TAFA4: variants seen among roughly 807,000 people sequenced by gnomAD.
TAFA4 encodes the protein TAFA chemokine like family member 4, also known as chemokine-like protein TAFA-4.
A neutral mutation model predicts 21.1 loss-of-function variants in TAFA4; 20 were observed. That is an observed-to-expected ratio of 0.95 (90% CI 0.67 to 1.38). TAFA4 has a LOEUF of 1.38. Among genes scored for constraint, TAFA4 ranks in the 40% most tolerant of loss-of-function variants. The pLI, the probability that TAFA4 is intolerant of heterozygous loss-of-function variation, is 0.00. For missense variants in TAFA4, 211 were observed against 180.9 expected (o/e 1.17, Z -0.95); for synonymous variants, 71 against 67.4 (o/e 1.05, Z -0.26).
Position 68,885,304 on chromosome 3 carries a change from A to C in TAFA4, c.-116T>G. Reference sequence around the variant, plus strand: ...CCGTTCCAAAAAATTATCGTAGCTCAGAAGACCTATGTTAAAAAGGCCAAA... The same window carrying C: ...CCGTTCCAAAAAATTATCGTAGCTCCGAAGACCTATGTTAAAAAGGCCAAA... On this transcript the variant is annotated 5_prime_UTR_variant, in exon 2 of 6. Transcript: ENST00000295569. 5.7e-6 allele frequency: 5 copies of C among 879,362 alleles called. No homozygotes were observed. The highest frequency in any genetic ancestry group is 8.6e-6 in the Non-Finnish European group (5 of 578,784). The allele number at this position is 879,362 out of a possible 1,614,324, so 54.5% of individuals were successfully genotyped here. A position where few individuals can be genotyped will look rare whatever the true frequency, so the allele number is the denominator to read the frequency against.
chr3:68,779,603 A>C (rs1028455344), intron 3 of TAFA4, among the ~76,000 whole-genome samples: 4 of 152,180 alleles, frequency 2.6e-5, no homozygotes, highest in Admixed American at 2.6e-4. Flanking sequence ...CAGAGGGTTG[A>C]AGCCCCACGA....
At chr3:68,749,458 A>G (rs904282771) in intron 4 of TAFA4, among the ~76,000 whole-genome samples, 1 of 152,218 alleles carries the variant, frequency 6.6e-6, no homozygotes. Context: ...AGCAGAGAAT[A>G]GGTCTTCTCA....
At chr3:68,781,153 G>T (rs1444251338) in intron 3 of TAFA4, among the ~76,000 whole-genome samples, 1 of 150,872 alleles carries the variant, frequency 6.6e-6, no homozygotes, top group Non-Finnish European at 1.5e-5. Flanking sequence ...AGTGACCAAG[G>T]GAAATTTACA....
intron 3 of TAFA4, among the ~76,000 whole-genome samples, chr3:68,757,014 G>A (rs1466171781): frequency 6.6e-6 from 1 of 152,108 alleles, no homozygotes; most frequent in Non-Finnish European, 1.5e-5. Flanking sequence ...ATGAGCAGGG[G>A]CCAGGATGAT....
intron 3 of TAFA4, among the ~76,000 whole-genome samples, chr3:68,785,010 A>G (rs1235959975): frequency 6.6e-6 from 1 of 152,024 alleles, no homozygotes; most frequent in East Asian, 1.9e-4. Context: ...CTAGATACAG[A>G]GTGCCGATTG....
At chr3:68,922,246 C>G (rs555739637) in intron 1 of TAFA4, among the ~76,000 whole-genome samples, 8 of 152,182 alleles carry the variant, frequency 5.3e-5, no homozygotes, top group South Asian at 2.1e-4. Context: ...CTCCTGGAAA[C>G]AGAAATTCAC....
chr3:68,741,791 C>CA (rs1158204495), intron 4 of TAFA4, among the ~76,000 whole-genome samples: 7 of 148,956 alleles, frequency 4.7e-5, no homozygotes, highest in South Asian at 2.1e-4. Context: ...GACTCCATCT[C>CA]AAAAAAAAAT....
intron 2 of TAFA4, 57 bp downstream of exon 2, chr3:68,885,118 A>G: frequency 1.3e-6 from 2 of 1,574,078 alleles, no homozygotes; most frequent in East Asian, 4.5e-5. Flanking sequence ...CACTTTTGCT[A>G]AATTCTCAAT....
chr3:68,853,262 T>G (rs1009520188), intron 3 of TAFA4, among the ~76,000 whole-genome samples: 9 of 152,196 alleles, frequency 5.9e-5, no homozygotes, highest in Admixed American at 2.0e-4. Context: ...GCTAGTATTC[T>G]AAAAATAAAT....
intron 1 of TAFA4, among the ~76,000 whole-genome samples, chr3:68,923,861 T>C (rs372709524): frequency 1.3e-4 from 20 of 152,214 alleles, no homozygotes; most frequent in African/African-American, 4.8e-4. Context: ...GAGTTGTGTC[T>C]CTGGACCACA....
chr3:68,785,946 C>A (rs1440310535), intron 3 of TAFA4, among the ~76,000 whole-genome samples: 11 of 152,226 alleles, frequency 7.2e-5, no homozygotes, highest in Non-Finnish European at 1.5e-4. Context: ...TGCAAACATA[C>A]ACAATGATCA....
chr3:68,744,443 G>C (rs1007592471), intron 4 of TAFA4, among the ~76,000 whole-genome samples: 3 of 152,216 alleles, frequency 2.0e-5, no homozygotes, highest in African/African-American at 7.2e-5. Context: ...AGACAAAACT[G>C]GGTGCCAGAA....
intron 1 of TAFA4, among the ~76,000 whole-genome samples, chr3:68,908,110 G>A (rs1467230874): frequency 1.3e-5 from 2 of 152,154 alleles, no homozygotes; most frequent in Non-Finnish European, 2.9e-5. Context: ...TGACTCCAAT[G>A]CAAAAATATT....
At chr3:68,879,587 A>T (rs1378988720) in intron 3 of TAFA4, among the ~76,000 whole-genome samples, 2 of 152,224 alleles carry the variant, frequency 1.3e-5, no homozygotes, top group African/African-American at 4.8e-5. Context: ...GGCACTTCAC[A>T]GCAGCCAAAT....
chr3:68,840,216 T>C (rs1704628597), intron 3 of TAFA4, among the ~76,000 whole-genome samples: 1 of 152,184 alleles, frequency 6.6e-6, no homozygotes, highest in East Asian at 1.9e-4. Context: ...ATTGAATGAC[T>C]GATTGATTTA....
intron 3 of TAFA4, among the ~76,000 whole-genome samples, chr3:68,847,437 AT>A (rs1408200641): frequency 2.2e-4 from 34 of 152,322 alleles, no homozygotes; most frequent in African/African-American, 7.2e-4. Context: ...AAGCCAGTGG[AT>A]TTTAGCTTGC....
At chr3:68,919,063 C>T (rs1374474370) in intron 1 of TAFA4, among the ~76,000 whole-genome samples, 2 of 152,214 alleles carry the variant, frequency 1.3e-5, no homozygotes, top group African/African-American at 4.8e-5. Context: ...CTGTCACCTT[C>T]CCTGCAGCTT....
intron 3 of TAFA4, among the ~76,000 whole-genome samples, chr3:68,795,896 C>T (rs112340395): frequency 0.014 from 2,160 of 152,294 alleles, 53 homozygotes; most frequent in African/African-American, 0.049. Flanking sequence ...GTGTTGTGAT[C>T]TAAGCCATAT....
intron 3 of TAFA4, among the ~76,000 whole-genome samples, chr3:68,761,580 G>A (rs1327777348): frequency 6.6e-6 from 1 of 152,220 alleles, no homozygotes. Flanking sequence ...ATAATGAAAG[G>A]TGTGTGGGTG....
Sources: gnomAD v4.1 joint callset for allele counts (sites outside exome capture counted in the v4.1 genomes callset) on GRCh38, gnomAD v4.1.1 for gene constraint, MANE v1.5 for transcripts, NCBI Gene and HGNC (gene_info 2026-07-23, HGNC 2026-07-21) for gene names.